The following MARF1 variants were observed in gnomAD, a reference collection of about 807,000 sequenced individuals.
MARF1 encodes limkain-b1.
In MARF1, 24 loss-of-function variants were observed where a neutral mutation model predicts 168.2. The ratio of observed to expected loss-of-function variants is 0.14; its 90% CI spans 0.10 to 0.20. MARF1 has a LOEUF of 0.20. MARF1 is among the 10% of genes least tolerant of loss of function. MARF1 has a pLI of 1.00. For synonymous variants in MARF1, 868 were observed against 822.4 expected (o/e 1.06, Z -0.95); for missense variants, 1,744 against 2,143.6 (o/e 0.81, Z 3.68).
In MARF1 at chr16:15,617,365, A is replaced by G; in HGVS notation, c.2891T>C (p.Ile964Thr). ...GTGATATTCTAACTCTTCAAATATAATTGGGCTGCAATTCGTGGAGGAGCC... is the reference window on the plus strand; with the variant it reads ...GTGATATTCTAACTCTTCAAATATAGTTGGGCTGCAATTCGTGGAGGAGCC... ...HDGSSTNCSP[I>T]IFEELEYHEP... Residue 964 changes from isoleucine (I) to threonine (T), a missense_variant, in exon 14 of 27, where the codon ATT becomes ACT. By Grantham distance (89) the Ile-to-Thr change is moderately conservative. Around this residue, in one of 7 missense-constraint regions of MARF1, gnomAD observed 543 missense variants for 742.1 expected, o/e 0.73. Transcript: ENST00000396368. 6.2e-7 allele frequency: 1 copy of G among 1,614,180 alleles called. No individual in the cohort carries two copies. The highest frequency in any genetic ancestry group is 8.5e-7 in the Non-Finnish European group (1 of 1,180,020).
At chr16:15,608,976 C>T (rs2033271610) in intron 20 of MARF1, among the ~76,000 whole-genome samples, 1 of 152,264 alleles carries the variant, frequency 6.6e-6, no homozygotes, top group Admixed American at 6.5e-5. Flanking sequence ...TGGTGGCTCA[C>T]GCCTGTAATC....
intron 16 of MARF1, among the ~76,000 whole-genome samples, chr16:15,615,203 A>G (rs918978625): frequency 6.6e-6 from 1 of 152,174 alleles, no homozygotes; most frequent in African/African-American, 2.4e-5. Flanking sequence ...TTATGTTGGT[A>G]CTTTCAAACT....
intron 10 of MARF1, among the ~76,000 whole-genome samples, chr16:15,623,397 A>T (rs940041970): frequency 1.4e-5 from 2 of 143,762 alleles, no homozygotes; most frequent in Admixed American, 1.5e-4. Flanking sequence ...CTCCTGTCTC[A>T]GCCTCCCCAG....
rs560456081 is a variant in MARF1, at chr16:15,618,775, A to G, written c.2721-1240T>C. ...CTCCCAAAGAAGTCCCTCAATGTGC[A>G]GAAGACTATGTGACCTCTCCACCCA... On this transcript the variant is annotated intron_variant, in intron 13 of 26. Coordinates refer to ENST00000396368, the MANE Select transcript of MARF1 (RefSeq NM_014647.4). Among the ~76,000 whole-genome samples, 9 of 152,284 alleles carry G rather than the reference A, an allele frequency of 5.9e-5. No homozygotes were observed. In the South Asian group the frequency reaches 1.0e-3, roughly 18 times the overall value.
rs1402145430 is a variant in MARF1, at chr16:15,600,521, T to C, written c.4720A>G (p.Asn1574Asp). Residue 1574 changes from asparagine to aspartate, a missense_variant, in exon 25 of 27, where the codon AAT (asparagine) becomes GAT (aspartate). Asn to Asp is a conservative substitution (Grantham distance 23). Around this residue, in one of 7 missense-constraint regions of MARF1, gnomAD observed 313 missense variants for 337.4 expected, o/e 0.93. Transcript: ENST00000396368. Reference protein sequence around the residue: ...RLSSLSLSPANHENQPSEGER... With the variant: ...RLSSLSLSPADHENQPSEGER... ...CCCTCCGAGGGCTGGTTTTCATGAT[T>C]GGCAGGGGAGAGACTGAGTGAACTC... 1.9e-6 allele frequency: 3 copies of C among 1,614,064 alleles called. No homozygotes were observed. Among genetic ancestry groups the C allele is most frequent in the Non-Finnish European group, 1.7e-6 (2 of 1,180,050 alleles).
Position 15,623,117 on chromosome 16 carries a change from C to T in MARF1, c.2277G>A (p.Met759Ile). 6.3e-7 allele frequency: 1 copy of T among 1,584,296 alleles called. No homozygotes were observed. Residue 759 changes from methionine to isoleucine, a missense_variant, in exon 11 of 27, where the codon ATG becomes ATA. Met to Ile is a conservative substitution (Grantham distance 10, BLOSUM62 1). Transcript: ENST00000396368. ...LASQSWSSRS[M>I]SPNLLNRASP... ...ATGCTCTGTTTAAAAGGTTTGGAGA[C>T]ATACTCCTGCTTAAAACACACATAT...
Position 15,623,060 on chromosome 16 carries a change from G to A in MARF1, c.2334C>T (p.Ser778=). The A allele has an allele frequency of 6.2e-7, 1 of 1,610,498 alleles. No individual in the cohort carries two copies. ...SPLAFNIANS[S]SEADCPDPFA... ...ATGGGTCTGGGCAGTCGGCTTCGCT[G>A]CTCGAATTTGCAATGTTGAAAGCAA... The change falls in exon 11 of 27, where the codon AGC becomes AGT. Residue 778 remains serine (S), a synonymous_variant. Coordinates refer to ENST00000396368, the MANE Select transcript of MARF1 (RefSeq NM_014647.4).
intron 1 of MARF1, among the ~76,000 whole-genome samples, chr16:15,640,159 T>C (rs571717324): frequency 1.3e-5 from 2 of 152,174 alleles, no homozygotes; most frequent in South Asian, 4.1e-4. Flanking sequence ...GACAACTATA[T>C]GTAAGATTTT....
In MARF1 at chr16:15,600,658, A is replaced by G; in HGVS notation, c.4670T>C (p.Leu1557Ser). 6.2e-7 allele frequency: 1 copy of G among 1,613,886 alleles called. No individual in the cohort carries two copies. The highest frequency in any genetic ancestry group is 8.5e-7 in the Non-Finnish European group (1 of 1,180,028). Reference sequence around the variant, plus strand: ...TTACTTACTTTTCATGTCATTTTTTAACACTACAATTCTCTTATGACCATG... The same window carrying G: ...TTACTTACTTTTCATGTCATTTTTTGACACTACAATTCTCTTATGACCATG... The part of the protein sequence containing the change: ...KGHGHKRIVV[L>S]KNDMKSRLSS... Residue 1557 changes from leucine (L) to serine (S), a missense_variant, in exon 24 of 27, where the codon TTA (leucine) becomes TCA (serine). Leu to Ser is a moderately radical substitution (Grantham distance 145). Coordinates refer to ENST00000396368, the MANE Select transcript of MARF1 (RefSeq NM_014647.4).
chr16:15,603,594 C>T (rs1249032079), intron 22 of MARF1, among the ~76,000 whole-genome samples: 1 of 152,080 alleles, frequency 6.6e-6, no homozygotes, highest in Non-Finnish European at 1.5e-5. Flanking sequence ...CTTTTATAGT[C>T]TCTTTTATGG....
intron 13 of MARF1, among the ~76,000 whole-genome samples, chr16:15,619,432 C>T (rs1340903867): frequency 6.6e-6 from 1 of 152,182 alleles, no homozygotes; most frequent in Non-Finnish European, 1.5e-5. Flanking sequence ...CTCCTTCTCT[C>T]CCCTGTTCCT....
chr16:15,607,323 C>T (rs368404468), intron 21 of MARF1, among the ~76,000 whole-genome samples: 4 of 152,070 alleles, frequency 2.6e-5, no homozygotes, highest in Admixed American at 2.6e-4. Context: ...CTGAGGTGGG[C>T]GGATTACCTG....
Position 15,624,887 on chromosome 16 carries a change from CAGG to C in MARF1, c.2149_2151del (p.Pro717del), listed in dbSNP as rs777137584. 1 of 1,614,160 alleles carries C rather than the reference CAGG, an allele frequency of 6.2e-7. No individual in the cohort carries two copies. Among genetic ancestry groups the C allele is most frequent in the South Asian group, 1.1e-5 (1 of 91,072 alleles). On this transcript the variant is annotated inframe_deletion, in exon 10 of 27. Coordinates refer to ENST00000396368, the MANE Select transcript of MARF1 (RefSeq NM_014647.4). ...GTCTCCTCTTTATCTTTTTTCTCTA[CAGG>C]AGAACTGGTAACACTTCGGGCACTG... is the stretch of plus-strand genomic sequence containing the variant.
intron 16 of MARF1, among the ~76,000 whole-genome samples, chr16:15,615,370 A>T (rs1051207911): frequency 6.6e-6 from 1 of 152,148 alleles, no homozygotes; most frequent in African/African-American, 2.4e-5. Flanking sequence ...TCAGGCCTGT[A>T]ATCCCAGCAC....
chr16:15,633,906 A>G, intron 4 of MARF1, 63 bp from the exon 5 acceptor site: 3 of 1,304,938 alleles, frequency 2.3e-6, no homozygotes, highest in East Asian at 4.7e-5. Context: ...TTACAATAAG[A>G]TAATAAACTA....
intron 2 of MARF1, among the ~76,000 whole-genome samples, chr16:15,637,215 C>T (rs1001238461): frequency 2.0e-5 from 3 of 152,094 alleles, no homozygotes; most frequent in Non-Finnish European, 2.9e-5. Context: ...TAAGATAGAG[C>T]ACATAGACCA....
At chr16:15,610,351 C>A (rs1432371660) in intron 19 of MARF1, 1 of 153,146 alleles carries the variant, frequency 6.5e-6, no homozygotes, top group African/African-American at 2.4e-5. Flanking sequence ...CATACAGTCA[C>A]CCCTTGGTGT....
chr16:15,633,396 A>G (rs2035377202), intron 5 of MARF1, among the ~76,000 whole-genome samples: 1 of 152,026 alleles, frequency 6.6e-6, no homozygotes, highest in East Asian at 1.9e-4. Context: ...AAAATAAAAA[A>G]TGAGCCGAGC....
chr16:15,637,665 A>C (rs994012517), intron 2 of MARF1, among the ~76,000 whole-genome samples: 1 of 152,108 alleles, frequency 6.6e-6, no homozygotes, highest in Non-Finnish European at 1.5e-5. Context: ...TGTAAAGTTG[A>C]CCGTGTAATT....
Sources: gnomAD v4.1 joint callset for allele counts (sites outside exome capture counted in the v4.1 genomes callset) on GRCh38, gnomAD v4.1.1 for gene constraint, gnomAD v4.1.1 regional missense constraint, MANE v1.5 for transcripts, NCBI Gene and HGNC (gene_info 2026-07-23, HGNC 2026-07-21) for gene names.